The following SYT1 variants were observed in gnomAD, a reference collection of about 807,000 sequenced individuals.
The protein encoded by SYT1 is synaptotagmin 1.
SYT1 carries 8 observed loss-of-function variants against 44.8 expected under a neutral mutation model. The observed-to-expected ratio is 0.18, with a 90% CI of 0.10 to 0.32. The LOEUF (loss-of-function observed/expected upper bound fraction) is 0.32. Among genes scored for constraint, SYT1 ranks in the 10% least tolerant of loss-of-function variants. The pLI is 1.00. For missense variants in SYT1, 286 were observed against 509.3 expected, an observed-to-expected ratio of 0.56 and a Z score of 4.22; for synonymous variants, 154 against 188.8, an observed-to-expected ratio of 0.82 and a Z score of 1.51.
intron 1 of SYT1, among the ~76,000 whole-genome samples, chr12:78,916,953 C>A (rs1225508706): frequency 6.6e-6 from 1 of 151,850 alleles, no homozygotes; most frequent in East Asian, 1.9e-4. Context: ...TTGTCCCTGT[C>A]CTTTATTAGA....
At chr12:79,034,238 A>G (rs940230814) in intron 2 of SYT1, among the ~76,000 whole-genome samples, 1 of 151,586 alleles carries the variant, frequency 6.6e-6, no homozygotes, top group Admixed American at 6.6e-5. Flanking sequence ...CTAAGATTAG[A>G]TAAATGATTT....
intron 3 of SYT1, among the ~76,000 whole-genome samples, chr12:79,105,088 A>G (rs868080917): frequency 3.9e-5 from 6 of 152,214 alleles, no homozygotes; most frequent in Non-Finnish European, 8.8e-5. Flanking sequence ...CCAAAATACA[A>G]TTCAAAACAC....
intron 3 of SYT1, among the ~76,000 whole-genome samples, chr12:79,212,874 C>T (rs1874544819): frequency 6.6e-6 from 1 of 152,160 alleles, no homozygotes. Context: ...CCTGGGAAAG[C>T]CACACTCCAG....
chr12:79,119,529 TACCCTTTC>T (rs1395879441), intron 3 of SYT1, among the ~76,000 whole-genome samples: 1 of 152,154 alleles, frequency 6.6e-6, no homozygotes, highest in Non-Finnish European at 1.5e-5. Flanking sequence ...CCTTCTTATC[TACCCTTTC>T]ACTTTTTCTA....
chr12:79,072,874 C>T (rs975963579), intron 3 of SYT1, among the ~76,000 whole-genome samples: 2 of 152,034 alleles, frequency 1.3e-5, no homozygotes, highest in Admixed American at 6.6e-5. Context: ...TCTCTGCCCT[C>T]AAATAGGTTA....
chr12:78,871,539 GA>G (rs994912565), intron 1 of SYT1, among the ~76,000 whole-genome samples: 11 of 151,486 alleles, frequency 7.3e-5, no homozygotes, highest in South Asian at 2.1e-4. Context: ...ATTTTTGAGG[GA>G]AAAAAAACTT....
chr12:79,120,295 G>C lies in SYT1; in HGVS notation c.-18+72933G>C, dbSNP rs533485844. On this transcript the variant is annotated intron_variant, in intron 3 of 10. Coordinates refer to ENST00000261205, the MANE Select transcript of SYT1 (RefSeq NM_005639.3). ...ATAAGACACTGTGGACTACTAGAAG[G>C]GGGAGAGAGAAAGGGAGGCATGGAT... Among the ~76,000 whole-genome samples the C allele has an allele frequency of 2.0e-5, 3 of 152,160 alleles. No homozygotes were observed. The East Asian group carries it at 5.8e-4, about 29-fold the overall frequency.
At chr12:79,026,004 T>C (rs146336591) in intron 2 of SYT1, among the ~76,000 whole-genome samples, 1 of 151,706 alleles carries the variant, frequency 6.6e-6, no homozygotes. Context: ...TTTAAAAAGA[T>C]CCTTGAAATG....
At chr12:79,412,836 T>C (rs1868514500) in intron 9 of SYT1, among the ~76,000 whole-genome samples, 1 of 152,188 alleles carries the variant, frequency 6.6e-6, no homozygotes. Flanking sequence ...TGCCAATACT[T>C]TTGCTCAGCA....
chr12:79,095,671 G>A (rs187585879), intron 3 of SYT1, among the ~76,000 whole-genome samples: 2 of 151,906 alleles, frequency 1.3e-5, no homozygotes, highest in East Asian at 1.9e-4. Context: ...TACTGACCTT[G>A]GTAAAAATTC....
intron 3 of SYT1, among the ~76,000 whole-genome samples, chr12:79,140,360 CT>C (rs2138212056): frequency 6.6e-6 from 1 of 152,140 alleles, no homozygotes; most frequent in African/African-American, 2.4e-5. Flanking sequence ...CTTTAGAATT[CT>C]TGTGTCTATA....
At chr12:79,286,072 C>A in intron 5 of SYT1, 101 bp downstream of exon 5, 3 of 1,325,346 alleles carry the variant, frequency 2.3e-6, no homozygotes, top group South Asian at 3.0e-5. Context: ...ACTTCTGGAC[C>A]CATATCGTTT....
chr12:79,193,000 AG>A lies in SYT1; in HGVS notation c.-17-24501del, dbSNP rs201907409. 2.4e-3 allele frequency among the ~76,000 whole-genome samples: 366 copies of A among 152,288 alleles called. 3 individuals carry two copies. Among genetic ancestry groups the A allele is most frequent in the African/African-American group, 8.6e-3 (357 of 41,568 alleles). ...ACCTGAATTAAGGGCAGTTCCATTC[AG>A]GTGATTCTACATTTCATTTTACACA... On this transcript the variant is annotated intron_variant, in intron 3 of 10. Transcript: ENST00000261205.
At chr12:79,392,564 A>G (rs1884700063) in intron 9 of SYT1, 1 of 152,176 alleles carries the variant, frequency 6.6e-6, no homozygotes. Flanking sequence ...GAAAAAGGGT[A>G]TAGGGAGACT....
At chr12:79,187,978 C>A (rs1210802876) in intron 3 of SYT1, among the ~76,000 whole-genome samples, 1 of 152,118 alleles carries the variant, frequency 6.6e-6, no homozygotes, top group African/African-American at 2.4e-5. Context: ...ATTTCTTTCA[C>A]TGAACTATCA....
intron 9 of SYT1, among the ~76,000 whole-genome samples, chr12:79,394,986 C>T (rs1032587289): frequency 6.6e-6 from 1 of 152,128 alleles, no homozygotes; most frequent in African/African-American, 2.4e-5. Context: ...ACACAACACA[C>T]ACATAATTTT....
At chr12:79,435,931 C>A (rs1305360112) in intron 9 of SYT1, among the ~76,000 whole-genome samples, 2 of 152,114 alleles carry the variant, frequency 1.3e-5, no homozygotes, top group African/African-American at 4.8e-5. Flanking sequence ...CCGCTGAGAA[C>A]CCCTGCTTTA....
intron 9 of SYT1, among the ~76,000 whole-genome samples, chr12:79,389,876 A>C (rs1821777828): frequency 6.6e-6 from 1 of 151,862 alleles, no homozygotes; most frequent in African/African-American, 2.4e-5. Flanking sequence ...CCCAATGCAA[A>C]TTATGTCACT....
intron 1 of SYT1, among the ~76,000 whole-genome samples, chr12:78,895,650 CA>C (rs1462311641): frequency 1.3e-5 from 2 of 151,568 alleles, no homozygotes; most frequent in Non-Finnish European, 3.0e-5. Context: ...CCACCGGGCA[CA>C]AAAATGAATG....
Sources: gnomAD v4.1 joint callset for allele counts (sites outside exome capture counted in the v4.1 genomes callset) on GRCh38, gnomAD v4.1.1 for gene constraint, MANE v1.5 for transcripts, NCBI Gene and HGNC (gene_info 2026-07-23, HGNC 2026-07-21) for gene names.